NBPF26: variants seen among roughly 807,000 people sequenced by gnomAD.
The protein encoded by NBPF26 is NBPF member 26, also known as NBPF family member NBPF26.
NBPF26 carries 79 observed loss-of-function variants against 119.6 expected under a neutral mutation model. The ratio of observed to expected loss-of-function variants is 0.66; its 90% CI spans 0.55 to 0.80. The LOEUF is 0.80. NBPF26 is among the 30% of genes least tolerant of loss of function. The probability of loss-of-function intolerance (pLI) is 0.00; values close to 1 mark genes in which losing one functional copy is unlikely to be tolerated. For synonymous variants in NBPF26, 299 were observed against 457.7 expected (o/e 0.65, Z 4.43); for missense variants, 800 against 1,198.2 (o/e 0.67, Z 4.91).
At position 120,811,801 on chromosome 1, in the gene NBPF26, A is replaced by G. The variant is rs1274071647; in HGVS notation, c.1565-85A>G. On this transcript the variant is annotated intron_variant, in intron 9 of 29. Coordinates refer to ENST00000620612, the Ensembl canonical transcript of NBPF26. ...CATCTTCAAATAAGTAAACAAGGCTACCAGTGACATCCCTCAGTCCTGATT... is the reference window on the plus strand; with the variant it reads ...CATCTTCAAATAAGTAAACAAGGCTGCCAGTGACATCCCTCAGTCCTGATT... 1.1e-4 allele frequency: 74 copies of G among 683,862 alleles called. 12 individuals are homozygous for G. Among genetic ancestry groups the G allele is most frequent in the Middle Eastern group, 7.5e-4 (2 of 2,684 alleles). The allele number at this position is 683,862 out of a possible 1,614,324, so 42.4% of individuals were successfully genotyped here.
At position 120,770,777 on chromosome 1, in the gene NBPF26, C is replaced by T. The variant is rs1265366692; in HGVS notation, c.155+7068C>T. Among the ~76,000 whole-genome samples the T allele has an allele frequency of 2.6e-5, 3 of 116,834 alleles. 1 individual carries two copies. The highest frequency in any genetic ancestry group is 4.9e-5 in the Non-Finnish European group (3 of 60,774). 76.6% of individuals were successfully genotyped at this position (116,834 alleles called of 152,430 possible). A position where few individuals can be genotyped will look rare whatever the true frequency, so the allele number is the denominator to read the frequency against. ...CTGTCAATAAAATGGGACAGAATTA[C>T]CTGTTTTAAGTTGGTAGTTCAAATG... On this transcript the variant is annotated intron_variant, in intron 2 of 29. Coordinates refer to ENST00000620612, the Ensembl canonical transcript of NBPF26.
At position 120,730,637 on chromosome 1, in the gene NBPF26, A is replaced by G. The variant is rs1483733588; in HGVS notation, c.73+6387A>G. Among the ~76,000 whole-genome samples the G allele has an allele frequency of 7.1e-5, 8 of 113,408 alleles. 1 individual carries two copies. Among genetic ancestry groups the G allele is most frequent in the East Asian group, 4.3e-4 (2 of 4,654 alleles). The allele number at this position is 113,408 out of a possible 152,430, so 74.4% of individuals were successfully genotyped here. ...ATATTATCTGTGTGGCAGAACATAC[A>G]TTGTGGTCTTAAAAAGGAGAGTAAA... is the stretch of plus-strand genomic sequence containing the variant. On this transcript the variant is annotated intron_variant, in intron 1 of 29. Transcript: ENST00000620612.
chr1:120,822,913 T>C lies in NBPF26; in HGVS notation c.2588-396T>C, dbSNP rs1474918998. 1.1e-4 allele frequency among the ~76,000 whole-genome samples: 14 copies of C among 124,294 alleles called. 2 individuals are homozygous for C. The highest frequency in any genetic ancestry group is 1.1e-3 in the Admixed American group (14 of 12,872). The allele number at this position is 124,294 out of a possible 152,430, so 81.5% of individuals were successfully genotyped here. A position where few individuals can be genotyped will look rare whatever the true frequency, so the allele number is the denominator to read the frequency against. ...TCAAGAGCTGGTACATTGCACCCTTTCATCAAATCTCTGTGTCCACAATCT... is the reference window on the plus strand; with the variant it reads ...TCAAGAGCTGGTACATTGCACCCTTCCATCAAATCTCTGTGTCCACAATCT... On this transcript the variant is annotated intron_variant, in intron 16 of 29. Transcript: ENST00000620612.
Position 120,776,127 on chromosome 1 carries a change from C to A in NBPF26, c.156-8847C>A. On this transcript the variant is annotated intron_variant, in intron 2 of 29. Transcript: ENST00000620612. ...TGCTTCTGCACTGAATAGTTGAATGCCTTCTATATGCCAGTCATTGTGTTA... is the reference window on the plus strand; with the variant it reads ...TGCTTCTGCACTGAATAGTTGAATGACTTCTATATGCCAGTCATTGTGTTA... Among the ~76,000 whole-genome samples, 2 of 116,666 alleles carry A rather than the reference C, an allele frequency of 1.7e-5. 1 individual carries two copies. The highest frequency in any genetic ancestry group is 3.3e-5 in the Non-Finnish European group (2 of 60,920). 76.5% of individuals were successfully genotyped at this position (116,666 alleles called of 152,430 possible).
chr1:120,840,668 A>T (rs1461784437), downstream of NBPF26: 4 of 1,433,820 alleles, frequency 2.8e-6, no homozygotes, highest in East Asian at 9.2e-5. Flanking sequence ...GAATGAAAGT[A>T]CAGTTCCATT....
Position 120,807,311 on chromosome 1 carries a change from G to A in NBPF26, c.962-296G>A, listed in dbSNP as rs1470058662. Among the ~76,000 whole-genome samples, 25 of 125,660 alleles carry A rather than the reference G, an allele frequency of 2.0e-4. 3 individuals are homozygous for A. The South Asian group carries it at 4.8e-3, about 24-fold the overall frequency. The allele number at this position is 125,660 out of a possible 152,430, so 82.4% of individuals were successfully genotyped here. A position where few individuals can be genotyped will look rare whatever the true frequency, so the allele number is the denominator to read the frequency against. ...CTGCAAGGCTTGGGAAAGTGGCCCC[G>A]CATTCAGAGTCAGACCTCAGGGACT... On this transcript the variant is annotated intron_variant, in intron 5 of 29. Coordinates refer to ENST00000620612, the Ensembl canonical transcript of NBPF26.
In NBPF26 at chr1:120,823,396, T is replaced by A; in HGVS notation, c.2639+36T>A. Reference sequence around the variant, plus strand: ...GAAATTGTGGACAGTTAATTTGATGTTGACACCTGGAGATGCCAAGTCCAG... The same window carrying A: ...GAAATTGTGGACAGTTAATTTGATGATGACACCTGGAGATGCCAAGTCCAG... On this transcript the variant is annotated intron_variant, in intron 17 of 29. Transcript: ENST00000620612. 2 of 972,758 alleles carry A rather than the reference T, an allele frequency of 2.1e-6. 1 individual carries two copies. The highest frequency in any genetic ancestry group is 2.7e-5 in the South Asian group (2 of 74,976). 60.3% of individuals were successfully genotyped at this position (972,758 alleles called of 1,614,324 possible).
Position 120,790,206 on chromosome 1 carries a change from G to A in NBPF26, c.416-2955G>A, listed in dbSNP as rs1288284960. Among the ~76,000 whole-genome samples the A allele has an allele frequency of 4.8e-5, 5 of 103,430 alleles. 2 individuals carry two copies. The highest frequency in any genetic ancestry group is 1.9e-4 in the African/African-American group (3 of 15,780). The allele number at this position is 103,430 out of a possible 152,430, so 67.9% of individuals were successfully genotyped here. A position where few individuals can be genotyped will look rare whatever the true frequency, so the allele number is the denominator to read the frequency against. ...AATTTTTGTATTTTTAGTAGAGATG[G>A]GCTTTCACCTTGTTAGCCAGAATGG... is the stretch of plus-strand genomic sequence containing the variant. On this transcript the variant is annotated intron_variant, in intron 3 of 29. Coordinates refer to ENST00000620612, the Ensembl canonical transcript of NBPF26.
downstream of NBPF26, among the ~76,000 whole-genome samples, chr1:120,842,067 C>T (rs1211483390): frequency 4.8e-5 from 5 of 104,080 alleles, no homozygotes; most frequent in Admixed American, 9.5e-5. Context: ...TAATTTTTGT[C>T]CAAAGTTAAT....
chr1:120,817,865 T>A (rs1414064560), intron 14 of NBPF26, among the ~76,000 whole-genome samples: 3 of 109,428 alleles, frequency 2.7e-5, no homozygotes, highest in African/African-American at 1.1e-4. Context: ...GGGGAAAAAA[T>A]TTTGTTTAAC....
At chr1:120,808,250 G>T (rs1237395915) in intron 6 of NBPF26, among the ~76,000 whole-genome samples, 1 of 121,010 alleles carries the variant, frequency 8.3e-6, no homozygotes, top group Admixed American at 8.1e-5. Flanking sequence ...GCCAGAGTGA[G>T]GAACTGAAAG....
At chr1:120,765,212 C>G (rs1353034487) in intron 2 of NBPF26, among the ~76,000 whole-genome samples, 1 of 113,936 alleles carries the variant, frequency 8.8e-6, no homozygotes, top group Non-Finnish European at 1.7e-5. Flanking sequence ...GGAGATACAA[C>G]TGGAGATAAT....
chr1:120,811,948 G>C (rs1270159566), exon 10 of NBPF26: 2 of 1,219,020 alleles, frequency 1.6e-6, no homozygotes, highest in Non-Finnish European at 2.3e-6. Flanking sequence ...CCCTTTGTCC[G>C]GCGAGAAGGC....
rs2101410035 is a variant in NBPF26, at chr1:120,763,992, T to C, written c.155+283T>C. Among the ~76,000 whole-genome samples the C allele has an allele frequency of 4.4e-5, 5 of 114,870 alleles. 2 individuals are homozygous for C. The South Asian group carries it at 1.3e-3, about 30-fold the overall frequency. The allele number at this position is 114,870 out of a possible 152,430, so 75.4% of individuals were successfully genotyped here. On this transcript the variant is annotated intron_variant, in intron 2 of 29. Transcript: ENST00000620612. ...GACCAGGCATGGTGGCTCATGCTGG[T>C]AATCCCAGCACTTCAGGAGGCTGAG...
intron 3 of NBPF26, among the ~76,000 whole-genome samples, chr1:120,790,293 T>C (rs1365187594): frequency 9.0e-6 from 1 of 110,566 alleles, no homozygotes; most frequent in African/African-American, 5.6e-5. Flanking sequence ...GGATTACAGG[T>C]GTGAGCCACC....
chr1:120,814,726 C>T lies in NBPF26; in HGVS notation c.1878-103C>T, dbSNP rs1553271480. ...TTAAACATGTGCTGACCTTCTGCTT[C>T]GAGGTCTCCTTGAGGACATTGTCTC... On this transcript the variant is annotated intron_variant, in intron 11 of 29. Transcript: ENST00000620612. 121 of 655,758 alleles carry T rather than the reference C, an allele frequency of 1.8e-4. 26 individuals carry two copies. Among genetic ancestry groups the T allele is most frequent in the African/African-American group, 1.3e-3 (49 of 37,208 alleles). 40.6% of individuals were successfully genotyped at this position (655,758 alleles called of 1,614,324 possible). A position where few individuals can be genotyped will look rare whatever the true frequency, so the allele number is the denominator to read the frequency against.
Position 120,804,722 on chromosome 1 carries a change from G to A in NBPF26, c.752-834G>A, listed in dbSNP as rs1339664377. On this transcript the variant is annotated intron_variant, in intron 4 of 29. Coordinates refer to ENST00000620612, the Ensembl canonical transcript of NBPF26. ...CCCACATAGAGGAAGAGCTTTGGAC[G>A]TAGGGATGTCAAACTGGTCTAGAAT... is the stretch of plus-strand genomic sequence containing the variant. 1.4e-4 allele frequency among the ~76,000 whole-genome samples: 16 copies of A among 117,340 alleles called. 3 individuals are homozygous for A. The highest frequency in any genetic ancestry group is 2.1e-4 in the East Asian group (1 of 4,836). The allele number at this position is 117,340 out of a possible 152,430, so 77.0% of individuals were successfully genotyped here.
intron 3 of NBPF26, among the ~76,000 whole-genome samples, chr1:120,788,253 G>C: frequency 1.4e-5 from 1 of 69,314 alleles, no homozygotes; most frequent in Middle Eastern, 5.4e-3. Context: ...TGATAGCCTT[G>C]ATGTCCCAGC....
In NBPF26 at chr1:120,785,055, T is replaced by C; in HGVS notation, c.237T>C (p.Cys79=). Reference sequence around the variant, plus strand: ...ACCGCTGCCAGAATGGTGGGACTTGTGTGGCCCAGGCCATGCTGGGGAAAG... The same window carrying C: ...ACCGCTGCCAGAATGGTGGGACTTGCGTGGCCCAGGCCATGCTGGGGAAAG... Residue 79 remains cysteine, a synonymous_variant, in exon 3 of 30, where the codon TGT becomes TGC. Transcript: ENST00000620612. 7 of 1,445,852 alleles carry C rather than the reference T, an allele frequency of 4.8e-6. 1 individual carries two copies. In the Admixed American group the frequency reaches 1.2e-4, roughly 24 times the overall value. 89.6% of individuals were successfully genotyped at this position (1,445,852 alleles called of 1,614,324 possible).
Sources: allele counts gnomAD v4.1 joint callset (sites outside exome capture counted in the v4.1 genomes callset), GRCh38; gene constraint gnomAD v4.1.1; transcripts MANE v1.5; gene names NCBI Gene and HGNC (gene_info 2026-07-23, HGNC 2026-07-21).